ITGA9: variants seen among roughly 807,000 people sequenced by gnomAD.
The protein encoded by ITGA9 is integrin alpha-9.
A neutral mutation model predicts 127.8 loss-of-function variants in ITGA9; 56 were observed. The observed-to-expected ratio is 0.44, with a 90% CI of 0.35 to 0.55. The LOEUF (loss-of-function observed/expected upper bound fraction) is 0.55, where lower values mean the gene tolerates loss of function less well. ITGA9 is among the 20% of genes least tolerant of loss of function. The pLI is 0.00. For synonymous variants in ITGA9, 508 were observed against 514.5 expected (o/e 0.99, Z 0.17); for missense variants, 1,196 against 1,347.1 (o/e 0.89, Z 1.76).
At chr3:37,748,048 A>G (rs893366303) in intron 22 of ITGA9, 13 of 354,596 alleles carry the variant, frequency 3.7e-5, no homozygotes, top group African/African-American at 2.2e-4. Flanking sequence ...GAACATTTCA[A>G]TCACCCCCAA....
At chr3:37,639,389 A>G (rs114275104) in intron 16 of ITGA9, among the ~76,000 whole-genome samples, 1 of 152,346 alleles carries the variant, frequency 6.6e-6, no homozygotes, top group Non-Finnish European at 1.5e-5. Context: ...TGCAGAGGCC[A>G]CTTCTGGCTG....
chr3:37,582,184 T>C (rs1699715863), intron 15 of ITGA9, among the ~76,000 whole-genome samples: 1 of 152,200 alleles, frequency 6.6e-6, no homozygotes, highest in South Asian at 2.1e-4. Flanking sequence ...ATGAAATTAT[T>C]GTCATGGAGT....
At chr3:37,592,846 T>C (rs1421410096) in intron 15 of ITGA9, among the ~76,000 whole-genome samples, 1 of 152,158 alleles carries the variant, frequency 6.6e-6, no homozygotes, top group East Asian at 1.9e-4. Context: ...TAAGAATGTT[T>C]TGTGAATGCA....
At chr3:37,751,364 C>T (rs557537475) in intron 23 of ITGA9, among the ~76,000 whole-genome samples, 1 of 152,306 alleles carries the variant, frequency 6.6e-6, no homozygotes, top group East Asian at 1.9e-4. Flanking sequence ...GTGAACAAAC[C>T]ACACAGGCTT....
intron 15 of ITGA9, among the ~76,000 whole-genome samples, chr3:37,618,882 A>G (rs570370518): frequency 6.6e-6 from 1 of 152,286 alleles, no homozygotes; most frequent in Admixed American, 6.5e-5. Context: ...TGACTAGGAA[A>G]GGGAATGCCC....
At chr3:37,740,556 T>A (rs1248502637) in intron 20 of ITGA9, among the ~76,000 whole-genome samples, 2 of 152,160 alleles carry the variant, frequency 1.3e-5, no homozygotes, top group Non-Finnish European at 2.9e-5. Flanking sequence ...AGAGCCCTAG[T>A]TTGAAGTCTG....
chr3:37,472,737 T>A (rs1698446747), intron 2 of ITGA9, among the ~76,000 whole-genome samples: 1 of 152,172 alleles, frequency 6.6e-6, no homozygotes, highest in African/African-American at 2.4e-5. Context: ...TTATTGTGAT[T>A]TTCTTTAGCA....
intron 12 of ITGA9, among the ~76,000 whole-genome samples, chr3:37,524,086 A>AC (rs2125582801): frequency 1.3e-5 from 2 of 152,290 alleles, no homozygotes; most frequent in African/African-American, 4.8e-5. Flanking sequence ...GACAAAGCAG[A>AC]CCTTCACCAT....
chr3:37,559,167 G>A (rs984588414), intron 15 of ITGA9, among the ~76,000 whole-genome samples: 2 of 152,154 alleles, frequency 1.3e-5, no homozygotes, highest in Non-Finnish European at 1.5e-5. Flanking sequence ...CATTTCTAAG[G>A]ATGAGTAAAG....
At chr3:37,804,149 G>C (rs892274569) in intron 27 of ITGA9, among the ~76,000 whole-genome samples, 3 of 152,188 alleles carry the variant, frequency 2.0e-5, no homozygotes, top group African/African-American at 7.2e-5. Context: ...TCAGAGTGAA[G>C]GCAAAAGTCT....
At chr3:37,639,045 G>A (rs1308474026) in intron 16 of ITGA9, among the ~76,000 whole-genome samples, 1 of 152,166 alleles carries the variant, frequency 6.6e-6, no homozygotes, top group Non-Finnish European at 1.5e-5. Context: ...TTGGGATTCT[G>A]GGCGCTCTGG....
intron 17 of ITGA9, among the ~76,000 whole-genome samples, chr3:37,679,077 G>A (rs1700710440): frequency 6.6e-6 from 1 of 152,074 alleles, no homozygotes. Flanking sequence ...TATATATGCT[G>A]TAAGATAAGC....
intron 18 of ITGA9, among the ~76,000 whole-genome samples, chr3:37,728,430 CT>C (rs1212274759): frequency 3.9e-5 from 6 of 151,982 alleles, no homozygotes; most frequent in Admixed American, 3.9e-4. Context: ...AAAGAATTAC[CT>C]TGTGGGTATG....
At chr3:37,816,716 G>A (rs917363888) in intron 27 of ITGA9, among the ~76,000 whole-genome samples, 6 of 152,142 alleles carry the variant, frequency 3.9e-5, no homozygotes, top group Admixed American at 2.0e-4. Flanking sequence ...GTGTGGGGGC[G>A]TCAGAACATG....
chr3:37,781,545 A>G (rs1696976503), intron 25 of ITGA9, among the ~76,000 whole-genome samples: 3 of 152,208 alleles, frequency 2.0e-5, no homozygotes, highest in Admixed American at 1.3e-4. Flanking sequence ...AACCACCTCA[A>G]CCAGTGCATC....
chr3:37,767,459 C>T (rs892948569), intron 23 of ITGA9, among the ~76,000 whole-genome samples: 37 of 152,164 alleles, frequency 2.4e-4, no homozygotes, highest in African/African-American at 8.0e-4. Flanking sequence ...GTTAAAGTTA[C>T]GATCTTTTCC....
At chr3:37,769,253 G>A (rs531308366) in intron 23 of ITGA9, among the ~76,000 whole-genome samples, 10 of 150,568 alleles carry the variant, frequency 6.6e-5, no homozygotes, top group South Asian at 6.3e-4. Context: ...CAGGAGAATC[G>A]CTTGAACCCG....
chr3:37,472,734 G>A (rs1698446718), intron 2 of ITGA9, among the ~76,000 whole-genome samples: 1 of 152,110 alleles, frequency 6.6e-6, no homozygotes, highest in Admixed American at 6.5e-5. Flanking sequence ...GAGTTATTGT[G>A]ATTTTCTTTA....
At chr3:37,514,487 G>GC (rs1698964536) in intron 9 of ITGA9, among the ~76,000 whole-genome samples, 1 of 152,216 alleles carries the variant, frequency 6.6e-6, no homozygotes, top group South Asian at 2.1e-4. Flanking sequence ...GCAGAGCTGG[G>GC]CAAGTGGGTT....
Sources: gnomAD v4.1 joint callset for allele counts (sites outside exome capture counted in the v4.1 genomes callset) on GRCh38, gnomAD v4.1.1 for gene constraint, MANE v1.5 for transcripts, NCBI Gene and HGNC (gene_info 2026-07-23, HGNC 2026-07-21) for gene names.